Variants in ACKR2 observed in about 807,000 individuals in gnomAD.
ACKR2 encodes the protein atypical chemokine receptor 2.
For missense variants in ACKR2, 457 were observed against 477.3 expected (o/e 0.96, Z 0.40); for synonymous variants, 207 against 192.2 (o/e 1.08, Z -0.64).
chr3:42,849,724 T>C (rs1315976854), intron 2 of ACKR2, among the ~76,000 whole-genome samples: 1 of 152,212 alleles, frequency 6.6e-6, no homozygotes, highest in East Asian at 1.9e-4. Context: ...ACCATTTGAA[T>C]GGTTGGCCAC....
At chr3:42,834,495 C>A (rs1700966510) in intron 2 of ACKR2, 1 of 151,976 alleles carries the variant, frequency 6.6e-6, no homozygotes, top group African/African-American at 2.4e-5. Flanking sequence ...CCACCTCAGC[C>A]CCACAAATAT....
intron 2 of ACKR2, among the ~76,000 whole-genome samples, chr3:42,828,481 T>C (rs1700895879): frequency 2.0e-5 from 3 of 152,196 alleles, no homozygotes; most frequent in South Asian, 4.1e-4. Context: ...CACTTCTTTC[T>C]TCTCCCTTCC....
intron 2 of ACKR2, among the ~76,000 whole-genome samples, chr3:42,843,513 A>G (rs980684537): frequency 4.0e-5 from 6 of 151,874 alleles, no homozygotes; most frequent in Non-Finnish European, 1.5e-5. Context: ...TGCATTTCCT[A>G]TTGTGGGATA....
At chr3:42,811,478 T>A (rs928087111) in intron 1 of ACKR2, among the ~76,000 whole-genome samples, 3 of 152,218 alleles carry the variant, frequency 2.0e-5, no homozygotes, top group African/African-American at 7.2e-5. Flanking sequence ...CATAACGAAC[T>A]GCGGAAAGCC....
Position 42,828,961 on chromosome 3 carries a change from A to G in ACKR2, c.-38+9250A>G, listed in dbSNP as rs543299077. Among the ~76,000 whole-genome samples, 3 of 152,318 alleles carry G rather than the reference A, an allele frequency of 2.0e-5. No homozygotes were observed. The South Asian group carries it at 6.2e-4, about 32-fold the overall frequency. Reference sequence around the variant, plus strand: ...TATTGTGATCATCATGGTCACATTTATTGACAGTCAGTTTAGGGCAAAACA... The same window carrying G: ...TATTGTGATCATCATGGTCACATTTGTTGACAGTCAGTTTAGGGCAAAACA... On this transcript the variant is annotated intron_variant, in intron 2 of 2. Transcript: ENST00000422265.
chr3:42,839,479 T>TGG, intron 2 of ACKR2, among the ~76,000 whole-genome samples: 1 of 152,242 alleles, frequency 6.6e-6, no homozygotes, highest in African/African-American at 2.4e-5. Flanking sequence ...ATTTGCCCAA[T>TGG]GGAGCCTTTG....
intron 1 of ACKR2, among the ~76,000 whole-genome samples, chr3:42,817,654 C>T: frequency 6.6e-6 from 1 of 152,112 alleles, no homozygotes; most frequent in East Asian, 1.9e-4. Context: ...CCAGCTATTG[C>T]TCTCTTTTCT....
At chr3:42,853,138 G>A (rs951482897) in intron 2 of ACKR2, among the ~76,000 whole-genome samples, 5 of 152,198 alleles carry the variant, frequency 3.3e-5, no homozygotes, top group Non-Finnish European at 4.4e-5. Flanking sequence ...ATCTGAATAT[G>A]CTTCCCATGC....
chr3:42,847,326 C>T (rs1010010499), intron 2 of ACKR2, among the ~76,000 whole-genome samples: 2 of 152,120 alleles, frequency 1.3e-5, no homozygotes, highest in African/African-American at 2.4e-5. Flanking sequence ...GGGGGCCAGG[C>T]TGGGGACAGC....
At chr3:42,854,979 C>T (rs1334110891) in intron 2 of ACKR2, among the ~76,000 whole-genome samples, 1 of 151,866 alleles carries the variant, frequency 6.6e-6, no homozygotes, top group Non-Finnish European at 1.5e-5. Context: ...ACCTCAGCCT[C>T]CCAAGTAGCT....
At chr3:42,822,621 G>A (rs982439663) in intron 2 of ACKR2, among the ~76,000 whole-genome samples, 5 of 152,106 alleles carry the variant, frequency 3.3e-5, no homozygotes, top group African/African-American at 1.2e-4. Flanking sequence ...GGGAGGCCAA[G>A]GCAGGTGGAC....
intron 1 of ACKR2, among the ~76,000 whole-genome samples, chr3:42,813,220 T>G (rs997764602): frequency 1.3e-5 from 2 of 152,212 alleles, no homozygotes; most frequent in Admixed American, 1.3e-4. Flanking sequence ...GGTTTGTTTT[T>G]GGGTTTGATT....
chr3:42,859,928 A>C (rs562031626), intron 2 of ACKR2, among the ~76,000 whole-genome samples: 6 of 152,048 alleles, frequency 3.9e-5, no homozygotes, highest in Non-Finnish European at 7.4e-5. Flanking sequence ...AACTGCATCA[A>C]CTAATGGGAA....
intron 2 of ACKR2, among the ~76,000 whole-genome samples, chr3:42,820,724 G>GT (rs1210721259): frequency 2.2e-5 from 2 of 92,036 alleles, no homozygotes; most frequent in Admixed American, 1.5e-4. Context: ...TAAAATAACA[G>GT]TAAAAAAAAA....
At chr3:42,847,944 A>G (rs758566236) in intron 2 of ACKR2, among the ~76,000 whole-genome samples, 180 of 152,176 alleles carry the variant, frequency 1.2e-3, no homozygotes, top group Non-Finnish European at 2.0e-3. Context: ...AAAGGCTCAG[A>G]GGTCTCCCAA....
intron 2 of ACKR2, among the ~76,000 whole-genome samples, chr3:42,833,850 C>T (rs1256621768): frequency 6.6e-6 from 1 of 151,974 alleles, no homozygotes; most frequent in African/African-American, 2.4e-5. Flanking sequence ...AGATTTTCAA[C>T]CCTGTGTTGA....
chr3:42,850,809 C>T (rs1236225122), intron 2 of ACKR2, among the ~76,000 whole-genome samples: 1 of 152,094 alleles, frequency 6.6e-6, no homozygotes, highest in Non-Finnish European at 1.5e-5. Context: ...GGCAGCTAAT[C>T]ATACAGAGAT....
intron 2 of ACKR2, among the ~76,000 whole-genome samples, chr3:42,858,609 C>T (rs979637203): frequency 6.9e-6 from 1 of 144,936 alleles, no homozygotes; most frequent in Non-Finnish European, 1.5e-5. Context: ...AACCAGAACA[C>T]CTCTTCTCCT....
In ACKR2 at chr3:42,865,008, G is replaced by A; in HGVS notation, c.506G>A (p.Trp169Ter). The A allele has an allele frequency of 6.2e-7, 1 of 1,614,122 alleles. No individual in the cohort carries two copies. The highest frequency in any genetic ancestry group is 1.7e-5 in the Admixed American group (1 of 60,010). The change falls in exon 3 of 3, where the codon TGG becomes TAG. Residue 169 changes from tryptophan (W) to a stop codon, truncating the protein, a stop_gained. Transcript: ENST00000422265. LOFTEE classifies it low-confidence loss of function (END_TRUNC). Reference sequence around the variant, plus strand: ...AGCCTGCTCCTTGCTACCATAGTATGGGCTGTGTCCCTGGCCGTCTCCATC... The same window carrying A: ...AGCCTGCTCCTTGCTACCATAGTATAGGCTGTGTCCCTGGCCGTCTCCATC... ...AKSLLLATIVWAVSLAVSIPD... is the reference protein window; with the variant it reads ...AKSLLLATIV
Sources: gnomAD v4.1 joint callset for allele counts (sites outside exome capture counted in the v4.1 genomes callset) on GRCh38, gnomAD v4.1.1 for gene constraint, MANE v1.5 for transcripts, NCBI Gene and HGNC (gene_info 2026-07-23, HGNC 2026-07-21) for gene names.